Variants in ENTPD1 observed in about 807,000 individuals in gnomAD.
The protein encoded by ENTPD1 is ATP diphosphohydrolase.
In ENTPD1, 33 loss-of-function variants were observed where a neutral mutation model predicts 57.0. The ratio of observed to expected loss-of-function variants is 0.58; its 90% confidence interval spans 0.44 to 0.77. ENTPD1 has a LOEUF of 0.77. ENTPD1 is among the 30% of genes least tolerant of loss of function. The pLI, the probability that ENTPD1 is intolerant of heterozygous loss-of-function variation, is 0.00. For missense variants in ENTPD1, 501 were observed against 603.4 expected (o/e 0.83, Z 1.78); for synonymous variants, 202 against 218.8 (o/e 0.92, Z 0.68).
At chr10:95,856,452 A>G (rs982047739) in intron 7 of ENTPD1, among the ~76,000 whole-genome samples, 2 of 152,178 alleles carry the variant, frequency 1.3e-5, no homozygotes, top group Non-Finnish European at 2.9e-5. Flanking sequence ...TTAAGGAACT[A>G]AAAGTAGAAC....
chr10:95,849,167 A>T (rs959414208), intron 7 of ENTPD1, among the ~76,000 whole-genome samples: 7 of 152,236 alleles, frequency 4.6e-5, no homozygotes, highest in African/African-American at 1.7e-4. Context: ...CCAGAATAAG[A>T]TAAAATATTT....
intron 1 of ENTPD1, among the ~76,000 whole-genome samples, chr10:95,718,487 G>T (rs1327596260): frequency 6.6e-6 from 1 of 151,368 alleles, no homozygotes; most frequent in Admixed American, 6.8e-5. Context: ...CACCTCTTTA[G>T]GTTTCTCTGT....
chr10:95,704,987 C>A, the ENTPD1 span, among the ~76,000 whole-genome samples: 1 of 151,928 alleles, frequency 6.6e-6, no homozygotes, highest in Admixed American at 6.6e-5. Context: ...TTTGACCAGA[C>A]TTTTCATAAA....
At chr10:95,765,663 A>T (rs1264029834) in intron 1 of ENTPD1, among the ~76,000 whole-genome samples, 1 of 152,182 alleles carries the variant, frequency 6.6e-6, no homozygotes, top group Non-Finnish European at 1.5e-5. Flanking sequence ...TGTTTGGGGT[A>T]TTATGGGTCC....
chr10:95,788,387 T>C (rs1274078359), intron 1 of ENTPD1, among the ~76,000 whole-genome samples: 3 of 151,778 alleles, frequency 2.0e-5, no homozygotes, highest in Non-Finnish European at 4.4e-5. Context: ...GGAGGCTGAG[T>C]TGGGGAATCA....
intron 1 of ENTPD1, among the ~76,000 whole-genome samples, chr10:95,749,890 G>A (rs1288621665): frequency 6.6e-6 from 1 of 152,130 alleles, no homozygotes; most frequent in East Asian, 1.9e-4. Context: ...ATAGTTTCTG[G>A]GTTGAAAATA....
Position 95,868,529 on chromosome 10 carries a change from A to G in ENTPD1, c.*2146A>G, listed in dbSNP as rs773922704. Reference sequence around the variant, plus strand: ...CCGATGATGATGAAAATAAAGGTCAAATAAGTTGAGCCAATAACAGCCGCT... The same window carrying G: ...CCGATGATGATGAAAATAAAGGTCAGATAAGTTGAGCCAATAACAGCCGCT... On this transcript the variant is annotated 3_prime_UTR_variant, in exon 10 of 10. Coordinates refer to ENST00000371205, the MANE Select transcript of ENTPD1 (RefSeq NM_001776.6). 1.0e-5 allele frequency: 10 copies of G among 985,330 alleles called. No individual in the cohort carries two copies. Among genetic ancestry groups the G allele is most frequent in the Non-Finnish European group, 1.1e-5 (9 of 829,956 alleles). 61.0% of individuals were successfully genotyped at this position (985,330 alleles called of 1,614,324 possible).
chr10:95,803,293 A>G (rs1032116792), intron 1 of ENTPD1, among the ~76,000 whole-genome samples: 10 of 152,304 alleles, frequency 6.6e-5, no homozygotes, highest in Admixed American at 5.9e-4. Context: ...ACTGTCTTCC[A>G]CAATGGTTGA....
intron 7 of ENTPD1, among the ~76,000 whole-genome samples, chr10:95,854,198 A>G (rs1290120856): frequency 2.0e-5 from 3 of 152,268 alleles, no homozygotes; most frequent in African/African-American, 7.2e-5. Context: ...TATTTCTTCT[A>G]GATTTTCTAG....
intron 1 of ENTPD1, among the ~76,000 whole-genome samples, chr10:95,773,416 A>AT (rs1021550970): frequency 1.0e-3 from 151 of 150,846 alleles, no homozygotes; most frequent in Middle Eastern, 6.9e-3. Context: ...TTTGGAAGGA[A>AT]TTTTTTTTTT....
At chr10:95,809,224 A>G (rs1380291285) in intron 1 of ENTPD1, among the ~76,000 whole-genome samples, 1 of 152,152 alleles carries the variant, frequency 6.6e-6, no homozygotes, top group Non-Finnish European at 1.5e-5. Context: ...CCCGTTCTCA[A>G]TGAGTTATTG....
At chr10:95,764,840 A>G (rs1209272074) in intron 1 of ENTPD1, among the ~76,000 whole-genome samples, 1 of 147,904 alleles carries the variant, frequency 6.8e-6, no homozygotes, top group African/African-American at 2.5e-5. Flanking sequence ...CTCCTGCCTC[A>G]GCCTCCGGAG....
intron 1 of ENTPD1, among the ~76,000 whole-genome samples, chr10:95,737,119 C>T (rs2097995443): frequency 6.6e-6 from 1 of 152,278 alleles, no homozygotes; most frequent in African/African-American, 2.4e-5. Flanking sequence ...TTTGTCCTCT[C>T]AACAAGTATT....
chr10:95,695,296 A>C, the ENTPD1 span, among the ~76,000 whole-genome samples: 7 of 152,160 alleles, frequency 4.6e-5, no homozygotes. Flanking sequence ...GATGATCAAA[A>C]TATTGCTCCT....
intron 6 of ENTPD1, among the ~76,000 whole-genome samples, chr10:95,846,754 G>A (rs566055888): frequency 4.8e-4 from 73 of 152,210 alleles, no homozygotes; most frequent in African/African-American, 1.1e-3. Context: ...TTGGGAGGCC[G>A]AGGCGGGTGG....
the ENTPD1 span, among the ~76,000 whole-genome samples, chr10:95,699,858 C>T: frequency 6.6e-6 from 1 of 152,086 alleles, no homozygotes; most frequent in African/African-American, 2.4e-5. Context: ...AAGCAGCAGC[C>T]TAGAATATCC....
intron 1 of ENTPD1, among the ~76,000 whole-genome samples, chr10:95,743,031 T>C (rs922432319): frequency 1.3e-5 from 2 of 152,228 alleles, no homozygotes; most frequent in African/African-American, 4.8e-5. Flanking sequence ...GTCCATACTT[T>C]ATTCAGATTT....
intron 1 of ENTPD1, among the ~76,000 whole-genome samples, chr10:95,798,085 G>A (rs1369374666): frequency 6.6e-6 from 1 of 152,184 alleles, no homozygotes; most frequent in Admixed American, 6.5e-5. Flanking sequence ...GCAAAGTAGG[G>A]GAAGTAGGAT....
chr10:95,747,555 A>G (rs7086986), intron 1 of ENTPD1, among the ~76,000 whole-genome samples: 82,008 of 152,000 alleles, frequency 0.54, 22,548 homozygotes, highest in Admixed American at 0.63. Flanking sequence ...CTGGCCCCTA[A>G]TGATGCAGAA....
Sources: allele counts gnomAD v4.1 joint callset (sites outside exome capture counted in the v4.1 genomes callset), GRCh38; gene constraint gnomAD v4.1.1; transcripts MANE v1.5; gene names NCBI Gene and HGNC (gene_info 2026-07-23, HGNC 2026-07-21).